The following CTDP1 variants were observed in gnomAD, a reference collection of about 807,000 sequenced individuals.
CTDP1 encodes RNA polymerase II subunit A C-terminal domain phosphatase.
In CTDP1, 47 loss-of-function variants were observed where a neutral mutation model predicts 91.8. The ratio of observed to expected loss-of-function variants is 0.51; its 90% CI spans 0.41 to 0.65. CTDP1 has a LOEUF of 0.65. CTDP1 is among the 30% of genes least tolerant of loss of function. CTDP1 has a pLI of 0.00. For synonymous variants in CTDP1, 656 were observed against 598.5 expected (o/e 1.10, Z -1.40); for missense variants, 1,272 against 1,373.7 (o/e 0.93, Z 1.17).
intron 3 of CTDP1, 28 bp downstream of exon 3, chr18:79,696,098 TG>T: frequency 6.3e-7 from 1 of 1,592,862 alleles, no homozygotes. Context: ...GGCGGCGTGT[TG>T]GGGAAGCGTG....
rs1486250398 is a variant in CTDP1 at position 79,717,904 on chromosome 18, C to T, written c.2305C>T (p.Pro769Ser). The stretch of plus-strand genomic sequence containing the variant: ...GGTTCTTCCCAAGGCCCAGCCTGGC[C>T]CCGAGGTTCGGATCTACGACTCCAA... Reference protein sequence around the residue: ...MPVLPKAQPGPEVRIYDSNTG... With the variant: ...MPVLPKAQPGSEVRIYDSNTG... The change falls in exon 10 of 13, where the codon CCC becomes TCC. Residue 769 changes from proline (P) to serine (S), a missense_variant. Pro to Ser is a moderately conservative substitution (Grantham distance 74). Around this residue, in one of 3 missense-constraint regions of CTDP1, gnomAD observed 881 missense variants for 911.6 expected, o/e 0.97. Transcript: ENST00000613122. 7 of 1,613,486 alleles carry T rather than the reference C, an allele frequency of 4.3e-6. No individual in the cohort carries two copies. Among genetic ancestry groups the T allele is most frequent in the Non-Finnish European group, 5.1e-6 (6 of 1,180,038 alleles).
At position 79,680,154 on chromosome 18, in the gene CTDP1, C is replaced by A. The variant is rs1281728977; in HGVS notation, c.207C>A (p.Ala69=). The A allele has an allele frequency of 2.6e-5, 36 of 1,401,216 alleles. No individual in the cohort carries two copies. Among genetic ancestry groups the A allele is most frequent in the Non-Finnish European group, 3.2e-5 (35 of 1,082,338 alleles). The allele number at this position is 1,401,216 out of a possible 1,614,324, so 86.8% of individuals were successfully genotyped here. ...QSSGASQSRV[A]SGGCVRPARP... ...CCGGGGCCTCTCAGTCCCGTGTAGC[C>A]TCCGGGGGCTGCGTGCGCCCCGCGC... Residue 69 remains alanine, a synonymous_variant, in exon 1 of 13, where the codon GCC becomes GCA. Transcript: ENST00000613122.
Position 79,748,523 on chromosome 18 carries a change from G to A in CTDP1, c.2748-5129G>A, listed in dbSNP as rs142053533. Among the ~76,000 whole-genome samples, 640 of 152,350 alleles carry A rather than the reference G, an allele frequency of 4.2e-3. 12 individuals are homozygous for A. The highest frequency in any genetic ancestry group is 0.017 in the Middle Eastern group (5 of 294). ...AGTCAGCTACGTTTTTCCAAAGTGCGTGGAGGACGTTTCTCAGCATTCTTA... is the reference window on the plus strand; with the variant it reads ...AGTCAGCTACGTTTTTCCAAAGTGCATGGAGGACGTTTCTCAGCATTCTTA... On this transcript the variant is annotated intron_variant, in intron 12 of 12. Coordinates refer to ENST00000613122, the MANE Select transcript of CTDP1 (RefSeq NM_004715.5).
intron 12 of CTDP1, among the ~76,000 whole-genome samples, chr18:79,750,828 A>G (rs1219221566): frequency 6.6e-6 from 1 of 151,874 alleles, no homozygotes; most frequent in Non-Finnish European, 1.5e-5. Flanking sequence ...CCGCTTTTAA[A>G]TGATGGGATG....
rs1381031396 is a variant in CTDP1, at chr18:79,695,994, G to A, written c.416G>A (p.Gly139Glu). ...ACTTGCAGGTTGCAGAGTAAGAACG[G>A]GAAGCAGCAGGTGCCGCTGTCCACG... ...QDLTQLQSKN[G>E]KQQVPLSTAT... Residue 139 changes from glycine to glutamate, a missense_variant, in exon 3 of 13, where the codon GGG (glycine) becomes GAG (glutamate). Physicochemically the swap from Gly to Glu is moderately conservative, Grantham distance 98. This residue lies in a region of CTDP1 where 177 missense variants were observed against 283.0 expected (regional missense o/e 0.63). Coordinates refer to ENST00000613122, the MANE Select transcript of CTDP1 (RefSeq NM_004715.5). 3 of 1,612,592 alleles carry A rather than the reference G, an allele frequency of 1.9e-6. No individual in the cohort carries two copies. Among genetic ancestry groups the A allele is most frequent in the East Asian group, 2.2e-5 (1 of 44,876 alleles).
At chr18:79,718,098 A>C in intron 10 of CTDP1, 82 bp downstream of exon 10, 1 of 1,511,012 alleles carries the variant, frequency 6.6e-7, no homozygotes, top group South Asian at 1.1e-5. Context: ...GGATGGCGTC[A>C]GTTGCCCGAA....
intron 11 of CTDP1, among the ~76,000 whole-genome samples, chr18:79,733,246 G>C (rs11874098): frequency 4.1e-4 from 62 of 152,318 alleles, no homozygotes; most frequent in African/African-American, 1.4e-3. Context: ...CGTTTGGCGT[G>C]TGTGGATCCT....
At chr18:79,680,341 C>A in intron 1 of CTDP1, 80 bp downstream of exon 1, 1 of 1,160,674 alleles carries the variant, frequency 8.6e-7, no homozygotes, top group Non-Finnish European at 1.1e-6. Context: ...CTGCTGCGTC[C>A]GCGGTGGGCA....
At chr18:79,678,719 C>T (rs1330275901), upstream of CTDP1, 1 of 151,812 alleles carries the variant, frequency 6.6e-6, no homozygotes, top group Admixed American at 6.6e-5. Flanking sequence ...GACAAAGATA[C>T]ATAGTAAAAA....
In CTDP1 at chr18:79,708,466, C is replaced by T. The variant is rs143276996; in HGVS notation, c.773-1880C>T. 2.1e-3 allele frequency among the ~76,000 whole-genome samples: 326 copies of T among 152,308 alleles called. 2 individuals carry two copies. The highest frequency in any genetic ancestry group is 6.6e-3 in the African/African-American group (275 of 41,576). ...AGTGCAGTCAGGGCACGTTCAGATCCGGAAGTGGACCCCGTGTGCCACGTG... is the reference window on the plus strand; with the variant it reads ...AGTGCAGTCAGGGCACGTTCAGATCTGGAAGTGGACCCCGTGTGCCACGTG... On this transcript the variant is annotated intron_variant, in intron 5 of 12. Coordinates refer to ENST00000613122, the MANE Select transcript of CTDP1 (RefSeq NM_004715.5).
intron 1 of CTDP1, among the ~76,000 whole-genome samples, chr18:79,689,505 G>A (rs1478812813): frequency 2.0e-5 from 3 of 152,154 alleles, no homozygotes; most frequent in Non-Finnish European, 4.4e-5. Context: ...AACAAATAAG[G>A]CCAGGCGTAG....
At chr18:79,732,748 C>CA (rs1456676463) in intron 11 of CTDP1, among the ~76,000 whole-genome samples, 1 of 151,184 alleles carries the variant, frequency 6.6e-6, no homozygotes, top group East Asian at 2.0e-4. Flanking sequence ...CATAAGAACT[C>CA]ACTGTCACCA....
At chr18:79,686,722 G>A (rs1463375439) in intron 1 of CTDP1, among the ~76,000 whole-genome samples, 2 of 152,254 alleles carry the variant, frequency 1.3e-5, no homozygotes, top group African/African-American at 4.8e-5. Context: ...ACTATAGACT[G>A]GCGGGAATGA....
At chr18:79,696,795 T>G (rs575213783) in intron 3 of CTDP1, among the ~76,000 whole-genome samples, 1 of 152,164 alleles carries the variant, frequency 6.6e-6, no homozygotes, top group African/African-American at 2.4e-5. Context: ...TGGGGCACTG[T>G]GGGTCAGCGG....
Position 79,717,520 on chromosome 18 carries a change from C to T in CTDP1, c.2069-15C>T, listed in dbSNP as rs758938986. The T allele has an allele frequency of 7.4e-6, 12 of 1,611,944 alleles. No individual in the cohort carries two copies. In the East Asian group the frequency reaches 2.7e-4, roughly 36 times the overall value. ...TGCTGGCCGGAACAGCCTGACGCAG[C>T]CGGGTCTCCTGCAGGCACAGAGAAG... On this transcript the variant is annotated splice_polypyrimidine_tract_variant and intron_variant, in intron 8 of 12. Transcript: ENST00000613122.
upstream of CTDP1, chr18:79,679,411 G>A (rs368822772): frequency 6.6e-5 from 30 of 456,132 alleles, no homozygotes; most frequent in East Asian, 4.2e-4. Context: ...GATGGGAGTG[G>A]AGGAGAGCGG....
chr18:79,716,616 G>A (rs897318815), intron 8 of CTDP1, among the ~76,000 whole-genome samples: 2 of 151,020 alleles, frequency 1.3e-5, no homozygotes, highest in African/African-American at 2.4e-5. Flanking sequence ...CTGCCCTGCC[G>A]CGTGTCTGCC....
At chr18:79,698,050 C>T in intron 4 of CTDP1, 62 bp downstream of exon 4, 2 of 1,599,454 alleles carry the variant, frequency 1.3e-6, no homozygotes, top group Non-Finnish European at 1.7e-6. Context: ...AATTTTGATT[C>T]AGAAGTGTGT....
chr18:79,694,244 A>G lies in CTDP1; in HGVS notation c.315-981A>G, dbSNP rs374813868. Among the ~76,000 whole-genome samples the G allele has an allele frequency of 4.4e-3, 424 of 96,338 alleles. 3 individuals are homozygous for G. Among genetic ancestry groups the G allele is most frequent in the Middle Eastern group, 0.016 (2 of 126 alleles). 63.2% of individuals were successfully genotyped at this position (96,338 alleles called of 152,430 possible). A position where few individuals can be genotyped will look rare whatever the true frequency, so the allele number is the denominator to read the frequency against. On this transcript the variant is annotated intron_variant, in intron 1 of 12. Transcript: ENST00000613122. The stretch of plus-strand genomic sequence containing the variant: ...GGGTGGTCGGAGCAGCCCGGCTGGG[A>G]TGGGAGTGTGGGGGCTACAGGCACC...
Sources: gnomAD v4.1 joint callset for allele counts (sites outside exome capture counted in the v4.1 genomes callset) on GRCh38, gnomAD v4.1.1 for gene constraint, gnomAD v4.1.1 regional missense constraint, MANE v1.5 for transcripts, NCBI Gene and HGNC (gene_info 2026-07-23, HGNC 2026-07-21) for gene names.